The following TLE4 variants were observed in gnomAD, a reference collection of about 807,000 sequenced individuals.
TLE4 encodes the protein TLE family member 4, transcriptional corepressor.
Under a neutral mutation model 92.8 loss-of-function variants are expected in TLE4, and 8 were observed. The observed-to-expected ratio is 0.09, with a 90% CI of 0.05 to 0.16. The LOEUF (loss-of-function observed/expected upper bound fraction) is 0.16, where lower values mean the gene tolerates loss of function less well. Among genes scored for constraint, TLE4 ranks in the 10% least tolerant of loss-of-function variants. The pLI is 1.00. For synonymous variants in TLE4, 371 were observed against 374.1 expected, an observed-to-expected ratio of 0.99 and a Z score of 0.10; for missense variants, 675 against 997.6, an observed-to-expected ratio of 0.68 and a Z score of 4.36.
chr9:79,613,483 T>G (rs1564384133), intron 5 of TLE4, among the ~76,000 whole-genome samples: 1 of 152,116 alleles, frequency 6.6e-6, no homozygotes, highest in Non-Finnish European at 1.5e-5. Context: ...AAAGTTGAAG[T>G]GAGAATACTG....
chr9:79,679,798 G>A (rs1039664733), intron 8 of TLE4, among the ~76,000 whole-genome samples: 8 of 152,038 alleles, frequency 5.3e-5, no homozygotes, highest in Admixed American at 2.0e-4. Flanking sequence ...TTTGTGTAAG[G>A]TGTAAGGAAG....
At position 79,725,240 on chromosome 9, in the gene TLE4, A is replaced by G. The variant is rs181075655; in HGVS notation, c.*96A>G. 4 of 792,096 alleles carry G rather than the reference A, an allele frequency of 5.0e-6. No homozygotes were observed. Among genetic ancestry groups the G allele is most frequent in the Non-Finnish European group, 8.4e-6 (4 of 476,236 alleles). The allele number at this position is 792,096 out of a possible 1,614,324, so 49.1% of individuals were successfully genotyped here. A position where few individuals can be genotyped will look rare whatever the true frequency, so the allele number is the denominator to read the frequency against. ...CCCATCCCCGCATCTAAAACCAAGGATTTCAGATACTCATTGCAGTTGTGG... is the reference window on the plus strand; with the variant it reads ...CCCATCCCCGCATCTAAAACCAAGGGTTTCAGATACTCATTGCAGTTGTGG... On this transcript the variant is annotated 3_prime_UTR_variant, in exon 20 of 20. Coordinates refer to ENST00000376552, the MANE Select transcript of TLE4 (RefSeq NM_007005.6).
intron 6 of TLE4, among the ~76,000 whole-genome samples, chr9:79,638,078 C>G (rs2056351402): frequency 6.6e-6 from 1 of 152,090 alleles, no homozygotes; most frequent in Non-Finnish European, 1.5e-5. Context: ...ACTTGGAAAT[C>G]AGGAGTTTAC....
chr9:79,722,738 C>A, intron 18 of TLE4, 137 bp downstream of exon 18: 1 of 1,138,990 alleles, frequency 8.8e-7, no homozygotes, highest in Non-Finnish European at 1.2e-6. Flanking sequence ...TGATACATGC[C>A]TGCTTCCCCA....
chr9:79,631,389 G>GA (rs1013825886), intron 6 of TLE4, among the ~76,000 whole-genome samples: 1 of 151,934 alleles, frequency 6.6e-6, no homozygotes, highest in Admixed American at 6.6e-5. Flanking sequence ...CTCAGCTCAG[G>GA]AAAAAAACAT....
chr9:79,673,396 T>G (rs1410800337), intron 8 of TLE4, among the ~76,000 whole-genome samples: 1 of 152,180 alleles, frequency 6.6e-6, no homozygotes, highest in Non-Finnish European at 1.5e-5. Flanking sequence ...GTAACCCAAT[T>G]CCATTAAGGC....
At chr9:79,610,180 C>T (rs2048042373) in intron 4 of TLE4, among the ~76,000 whole-genome samples, 1 of 152,052 alleles carries the variant, frequency 6.6e-6, no homozygotes. Flanking sequence ...AGAAGCTGTG[C>T]CAAGGGCTGT....
At chr9:79,691,040 A>G (rs549176514) in intron 8 of TLE4, among the ~76,000 whole-genome samples, 2 of 152,250 alleles carry the variant, frequency 1.3e-5, no homozygotes, top group East Asian at 1.9e-4. Flanking sequence ...GTATTCACAT[A>G]GGAACACACA....
chr9:79,710,687 G>A (rs1223989731), intron 14 of TLE4, among the ~76,000 whole-genome samples: 1 of 151,996 alleles, frequency 6.6e-6, no homozygotes, highest in African/African-American at 2.4e-5. Context: ...AGTTATCTAA[G>A]ATGTCATTAT....
At chr9:79,641,393 C>A (rs1587701096) in intron 6 of TLE4, among the ~76,000 whole-genome samples, 1 of 152,072 alleles carries the variant, frequency 6.6e-6, no homozygotes, top group East Asian at 1.9e-4. Flanking sequence ...AAAAACAAAA[C>A]CAAACCCCAA....
rs1017899939 is a variant in TLE4, at chr9:79,718,591, T to C, written c.1341-131T>C. ...TGGAAATTATGTTCTTTACACTGTA[T>C]GGACAAATTCGATTTGTTCGTAAAT... On this transcript the variant is annotated intron_variant, in intron 14 of 19. Transcript: ENST00000376552. 3.0e-6 allele frequency: 4 copies of C among 1,332,048 alleles called. No homozygotes were observed. The African/African-American group carries it at 5.9e-5, about 20-fold the overall frequency. 82.5% of individuals were successfully genotyped at this position (1,332,048 alleles called of 1,614,324 possible). A position where few individuals can be genotyped will look rare whatever the true frequency, so the allele number is the denominator to read the frequency against.
chr9:79,578,096 T>TC (rs746065909), intron 4 of TLE4, among the ~76,000 whole-genome samples: 6 of 152,184 alleles, frequency 3.9e-5, no homozygotes, highest in Non-Finnish European at 5.9e-5. Context: ...TCTTTCTTTC[T>TC]CCCCCTTAAG....
chr9:79,649,933 TGAGACAGG>T, intron 6 of TLE4: 1 of 1,282,254 alleles, frequency 7.8e-7, no homozygotes, highest in Non-Finnish European at 1.0e-6. Flanking sequence ...GTTTTTTTTT[TGAGACAGG>T]GTTTCACTCT....
rs1471839706 is a variant in TLE4 at position 79,573,784 on chromosome 9, C to G, written c.141C>G (p.His47Gln). The change falls in exon 2 of 20, where the codon CAC becomes CAG. Residue 47 changes from histidine to glutamine, a missense_variant and splice_region_variant. Transcript: ENST00000376552. Reference sequence around the variant, plus strand: ...TTCAGTTTTTACAGGCTCAATACCACAGGTAACGATATTGACTTTAGCTGA... The same window carrying G: ...TTCAGTTTTTACAGGCTCAATACCAGAGGTAACGATATTGACTTTAGCTGA... ...EEFQFLQAQY[H>Q]SLKLECEKLA... The G allele has an allele frequency of 6.3e-7, 1 of 1,587,928 alleles. No individual in the cohort carries two copies. Among genetic ancestry groups the G allele is most frequent in the Admixed American group, 1.7e-5 (1 of 59,556 alleles).
At chr9:79,656,112 A>G (rs974367379) in intron 8 of TLE4, among the ~76,000 whole-genome samples, 11 of 152,168 alleles carry the variant, frequency 7.2e-5, no homozygotes, top group African/African-American at 2.7e-4. Flanking sequence ...TTGAAGTTGT[A>G]TTACGTCAGG....
intron 8 of TLE4, among the ~76,000 whole-genome samples, chr9:79,681,940 A>T (rs905510678): frequency 2.6e-5 from 4 of 151,810 alleles, no homozygotes. Context: ...CTTGGATAGC[A>T]TAAGAAAATG....
chr9:79,603,642 ATTG>A (rs2132713116), intron 4 of TLE4, among the ~76,000 whole-genome samples: 1 of 152,220 alleles, frequency 6.6e-6, no homozygotes, highest in East Asian at 1.9e-4. Context: ...GACTCGCTTT[ATTG>A]TAGCATTCAC....
intron 5 of TLE4, among the ~76,000 whole-genome samples, chr9:79,622,730 G>T (rs2051336984): frequency 6.6e-6 from 1 of 152,130 alleles, no homozygotes; most frequent in Non-Finnish European, 1.5e-5. Flanking sequence ...GCCATAGTAG[G>T]TGCTTAATAA....
At chr9:79,670,407 C>T (rs1399435342) in intron 8 of TLE4, among the ~76,000 whole-genome samples, 1 of 152,164 alleles carries the variant, frequency 6.6e-6, no homozygotes, top group Non-Finnish European at 1.5e-5. Context: ...AAGATTGGTA[C>T]ACTGCACCCT....
Sources: allele counts gnomAD v4.1 joint callset (sites outside exome capture counted in the v4.1 genomes callset), GRCh38; gene constraint gnomAD v4.1.1; transcripts MANE v1.5; gene names NCBI Gene and HGNC (gene_info 2026-07-23, HGNC 2026-07-21).